Variants in COL27A1 observed in about 807,000 individuals in gnomAD.
COL27A1 encodes the protein collagen type XXVII alpha 1 chain.
Under a neutral mutation model 251.3 loss-of-function variants are expected in COL27A1, and 106 were observed. That is an observed-to-expected ratio of 0.42 (90% CI 0.36 to 0.50). The LOEUF (loss-of-function observed/expected upper bound fraction) is 0.50, where lower values mean the gene tolerates loss of function less well. Among genes scored for constraint, COL27A1 ranks in the 20% least tolerant of loss-of-function variants. The pLI, the probability that COL27A1 is intolerant of heterozygous loss-of-function variation, is 0.00. For missense variants in COL27A1, 2,325 were observed against 2,522.8 expected (o/e 0.92, Z 1.68); for synonymous variants, 1,000 against 986.3 (o/e 1.01, Z -0.26).
At chr9:114,181,550 GT>G (rs1827916711) in intron 4 of COL27A1, among the ~76,000 whole-genome samples, 2 of 152,216 alleles carry the variant, frequency 1.3e-5, no homozygotes, top group Admixed American at 6.5e-5. Context: ...CTAGAGGCTG[GT>G]GGGGTTGGGA....
chr9:114,289,684 C>G (rs1318277610), intron 45 of COL27A1, among the ~76,000 whole-genome samples: 2 of 151,982 alleles, frequency 1.3e-5, no homozygotes, highest in Admixed American at 6.5e-5. Flanking sequence ...AGGGCCCCTG[C>G]CTTCCCCCAG....
chr9:114,172,515 T>C (rs1259119093), intron 3 of COL27A1, among the ~76,000 whole-genome samples: 1 of 152,142 alleles, frequency 6.6e-6, no homozygotes, highest in African/African-American at 2.4e-5. Context: ...CATATAAAGC[T>C]GTAGTAGAGG....
chr9:114,299,939 G>A (rs1273459898), intron 49 of COL27A1, 131 bp from the exon 50 acceptor site: 14 of 783,184 alleles, frequency 1.8e-5, no homozygotes, highest in Middle Eastern at 2.4e-4. Flanking sequence ...TCACTTGGTC[G>A]CTTCACAGAG....
chr9:114,232,565 A>G (rs1212240937), intron 16 of COL27A1, among the ~76,000 whole-genome samples: 1 of 152,206 alleles, frequency 6.6e-6, no homozygotes. Flanking sequence ...GGGGTGCAGG[A>G]GGGGTTCAGA....
intron 49 of COL27A1, among the ~76,000 whole-genome samples, chr9:114,294,965 A>G (rs956759378): frequency 2.0e-5 from 3 of 152,250 alleles, no homozygotes; most frequent in African/African-American, 7.2e-5. Flanking sequence ...AGCTACTAGA[A>G]TAAGTGAGTT....
intron 10 of COL27A1, 26 bp downstream of exon 10, chr9:114,206,322 A>C: frequency 6.2e-7 from 1 of 1,613,126 alleles, no homozygotes; most frequent in Non-Finnish European, 8.5e-7. Context: ...CCAGTGCCAC[A>C]TGGGTGGGGT....
chr9:114,288,384 C>G, intron 41 of COL27A1, 71 bp from the exon 42 acceptor site: 2 of 1,512,344 alleles, frequency 1.3e-6, no homozygotes, highest in Non-Finnish European at 1.8e-6. Context: ...TGACGAAGCG[C>G]TTTCCGTCTG....
At chr9:114,247,390 G>A (rs1179978419) in intron 24 of COL27A1, among the ~76,000 whole-genome samples, 1 of 152,188 alleles carries the variant, frequency 6.6e-6, no homozygotes, top group East Asian at 1.9e-4. Context: ...TTCAATTAGA[G>A]GTTCATGAAA....
At chr9:114,242,058 G>C in intron 21 of COL27A1, 129 bp from the exon 22 acceptor site, 1 of 747,074 alleles carries the variant, frequency 1.3e-6, no homozygotes, top group East Asian at 3.2e-5. Flanking sequence ...TGGGCCAGGC[G>C]TGCTGTTTCC....
upstream of COL27A1, among the ~76,000 whole-genome samples, chr9:114,154,762 AGGGT>A (rs1351841732): frequency 6.6e-6 from 1 of 152,002 alleles, no homozygotes; most frequent in Non-Finnish European, 1.5e-5. The surrounding 1 kb of genome is among the most constrained non-coding windows in gnomAD (Gnocchi z 5.8). Context: ...GTTTGGGGAA[AGGGT>A]GGATACGTGT....
rs192172995 is a variant in COL27A1 at position 114,300,022 on chromosome 9, C to T, written c.4585-48C>T. ...GAGGTCCCAGGTGGCTGGCGGGACA[C>T]GCTGACCATGAGCTCACTCGCTCCA... On this transcript the variant is annotated intron_variant, in intron 49 of 60. Coordinates refer to ENST00000356083, the MANE Select transcript of COL27A1 (RefSeq NM_032888.4). 222 of 1,601,398 alleles carry T rather than the reference C, an allele frequency of 1.4e-4. No homozygotes were observed. In the East Asian group the frequency reaches 2.7e-3, roughly 20 times the overall value.
At chr9:114,160,242 C>T (rs904742270) in intron 1 of COL27A1, among the ~76,000 whole-genome samples, 3 of 151,810 alleles carry the variant, frequency 2.0e-5, no homozygotes, top group African/African-American at 4.8e-5. Flanking sequence ...GCAAGCTCCG[C>T]CTCCTGGGTT....
intron 49 of COL27A1, among the ~76,000 whole-genome samples, chr9:114,297,114 T>C (rs1828307538): frequency 6.6e-6 from 1 of 152,236 alleles, no homozygotes; most frequent in Admixed American, 6.5e-5. Flanking sequence ...TGGGATGTTA[T>C]TGTCTTGGTT....
In COL27A1 at chr9:114,290,722, C is replaced by G; in HGVS notation, c.4369-88C>G. Reference sequence around the variant, plus strand: ...AGTGTGACCCCTTCCTCCAGCTTCACCCAGGGTTTGCCCAGGCGTTGAGCC... The same window carrying G: ...AGTGTGACCCCTTCCTCCAGCTTCAGCCAGGGTTTGCCCAGGCGTTGAGCC... On this transcript the variant is annotated intron_variant, in intron 47 of 60. Transcript: ENST00000356083. The surrounding 1 kb of genome is among the most constrained non-coding windows in gnomAD (Gnocchi z 4.6). 1.0e-6 allele frequency: 1 copy of G among 997,618 alleles called. No homozygotes were observed. Among genetic ancestry groups the G allele is most frequent in the Non-Finnish European group, 1.5e-6 (1 of 677,688 alleles). The allele number at this position is 997,618 out of a possible 1,614,324, so 61.8% of individuals were successfully genotyped here.
In COL27A1 at chr9:114,231,851, A is replaced by G; in HGVS notation, c.2550A>G (p.Gly850=). The G allele has an allele frequency of 1.9e-6, 3 of 1,614,138 alleles. No homozygotes were observed. Among genetic ancestry groups the G allele is most frequent in the Non-Finnish European group, 2.5e-6 (3 of 1,180,010 alleles). ...TGATGGGCAGCGTGGGGGAGCCCGG[A>G]CTGAAAGGTGATAAGGTGATCTGAA... The part of the protein sequence containing the change: ...KGLMGSVGEP[G]LKGDKGEQGV... Residue 850 remains glycine, a synonymous_variant, in exon 16 of 61, where the codon GGA becomes GGG. Coordinates refer to ENST00000356083, the MANE Select transcript of COL27A1 (RefSeq NM_032888.4).
At chr9:114,206,405 CCCA>C in intron 10 of COL27A1, 109 bp downstream of exon 10, 1 of 1,115,440 alleles carries the variant, frequency 9.0e-7, no homozygotes, top group Non-Finnish European at 1.3e-6. Flanking sequence ...CCAAGGCCCT[CCCA>C]CTTGAGTGCT....
At chr9:114,230,910 C>G (rs923488821) in intron 14 of COL27A1, among the ~76,000 whole-genome samples, 169 bp from the exon 15 acceptor site, 6 of 152,190 alleles carry the variant, frequency 3.9e-5, no homozygotes, top group Non-Finnish European at 7.3e-5. Flanking sequence ...TATTCCAGCA[C>G]TTTAGTGAAG....
At chr9:114,167,042 G>A (rs1327965202) in intron 2 of COL27A1, among the ~76,000 whole-genome samples, 1 of 152,162 alleles carries the variant, frequency 6.6e-6, no homozygotes, top group Non-Finnish European at 1.5e-5. Context: ...GGGTCCCTGA[G>A]GAGATGGTGA....
chr9:114,222,170 G>T, intron 13 of COL27A1, 53 bp from the exon 14 acceptor site: 1 of 1,526,792 alleles, frequency 6.5e-7, no homozygotes, highest in Non-Finnish European at 9.1e-7. Flanking sequence ...TGGAGGGAGG[G>T]GCCCTGGAGG....
Sources: allele counts gnomAD v4.1 joint callset (sites outside exome capture counted in the v4.1 genomes callset), GRCh38; gene constraint gnomAD v4.1.1; non-coding constraint Gnocchi (gnomAD v3.1); transcripts MANE v1.5; gene names NCBI Gene and HGNC (gene_info 2026-07-23, HGNC 2026-07-21).